RBFOX3: variants seen among roughly 807,000 people sequenced by gnomAD.
RBFOX3 encodes RNA binding protein fox-1 homolog 3.
RBFOX3 carries 17 observed loss-of-function variants against 48.7 expected under a neutral mutation model. The observed-to-expected ratio is 0.35, with a 90% confidence interval of 0.24 to 0.52. The LOEUF (loss-of-function observed/expected upper bound fraction) is 0.52, where lower values mean the gene tolerates loss of function less well. RBFOX3 is among the 20% of genes least tolerant of loss of function. RBFOX3 has a pLI of 0.94. For synonymous variants in RBFOX3, 212 were observed against 209.5 expected (o/e 1.01, Z -0.10); for missense variants, 382 against 497.5 (o/e 0.77, Z 2.21).
At chr17:79,341,227 CA>C (rs2082032601) in intron 2 of RBFOX3, among the ~76,000 whole-genome samples, 1 of 152,136 alleles carries the variant, frequency 6.6e-6, no homozygotes, top group Non-Finnish European at 1.5e-5. Flanking sequence ...GGAATGCAGG[CA>C]GGGGTACACA....
At chr17:79,373,727 C>T (rs575350275) in intron 2 of RBFOX3, among the ~76,000 whole-genome samples, 1 of 152,192 alleles carries the variant, frequency 6.6e-6, no homozygotes, top group East Asian at 1.9e-4. Flanking sequence ...GAGCAGGAGC[C>T]GGGCCTACCA....
chr17:79,331,012 C>T (rs1411632527), intron 2 of RBFOX3, among the ~76,000 whole-genome samples: 1 of 152,156 alleles, frequency 6.6e-6, no homozygotes, highest in African/African-American at 2.4e-5. Context: ...CGCTAACTGA[C>T]CGGTATGCTT....
At chr17:79,176,241 C>A (rs1454007745) in intron 4 of RBFOX3, among the ~76,000 whole-genome samples, 3 of 152,226 alleles carry the variant, frequency 2.0e-5, no homozygotes, top group Non-Finnish European at 2.9e-5. Flanking sequence ...AAAGACCCTG[C>A]CTGCCCCACA....
At chr17:79,605,972 T>G (rs2093820119) in intron 1 of RBFOX3, among the ~76,000 whole-genome samples, 1 of 152,100 alleles carries the variant, frequency 6.6e-6, no homozygotes, top group Non-Finnish European at 1.5e-5. Context: ...AGGGGAACAC[T>G]CCCCACAGAG....
chr17:79,664,675 T>A, the RBFOX3 span, among the ~76,000 whole-genome samples: 1 of 152,144 alleles, frequency 6.6e-6, no homozygotes, highest in Non-Finnish European at 1.5e-5. Flanking sequence ...AGTGCACGGT[T>A]CAGTGGCATT....
At chr17:79,272,798 C>T (rs2067976910) in intron 3 of RBFOX3, among the ~76,000 whole-genome samples, 1 of 152,114 alleles carries the variant, frequency 6.6e-6, no homozygotes, top group South Asian at 2.1e-4. Flanking sequence ...ATGCAGGAAG[C>T]TGGGGCTTGA....
intron 1 of RBFOX3, among the ~76,000 whole-genome samples, chr17:79,568,016 A>G (rs36169676): frequency 0.51 from 77,576 of 152,068 alleles, 21,651 homozygotes; most frequent in South Asian, 0.66. Context: ...CTCCCAGAAC[A>G]GCATGGGTGC....
the RBFOX3 span, among the ~76,000 whole-genome samples, chr17:79,624,876 C>A: frequency 4.1e-5 from 6 of 145,354 alleles, no homozygotes; most frequent in South Asian, 7.0e-4. Context: ...TGGGCACACT[C>A]ACTGCCAGCC....
intron 4 of RBFOX3, among the ~76,000 whole-genome samples, chr17:79,231,917 TAAA>T: frequency 6.6e-6 from 1 of 152,190 alleles, no homozygotes; most frequent in Non-Finnish European, 1.5e-5. Flanking sequence ...GAGTAATTTA[TAAA>T]GGAAAGAGGT....
At chr17:79,493,518 C>G (rs2081003894) in intron 1 of RBFOX3, among the ~76,000 whole-genome samples, 1 of 152,150 alleles carries the variant, frequency 6.6e-6, no homozygotes. Flanking sequence ...CATCACATCT[C>G]TCAGATCCCA....
At chr17:79,221,180 GC>G (rs1200271167) in intron 4 of RBFOX3, among the ~76,000 whole-genome samples, 2 of 152,236 alleles carry the variant, frequency 1.3e-5, no homozygotes, top group Non-Finnish European at 2.9e-5. Flanking sequence ...ATCATCTCTG[GC>G]CAGTGCCACC....
At chr17:79,652,974 A>T in the RBFOX3 span, among the ~76,000 whole-genome samples, 2 of 152,194 alleles carry the variant, frequency 1.3e-5, no homozygotes, top group African/African-American at 4.8e-5. Context: ...ATAGGATCAA[A>T]AGCTGAATGT....
chr17:79,470,106 T>C (rs1188228225), intron 2 of RBFOX3, among the ~76,000 whole-genome samples: 8 of 152,100 alleles, frequency 5.3e-5, no homozygotes, highest in African/African-American at 1.7e-4. Flanking sequence ...GTGTCATCCT[T>C]ACGTTCAGCT....
chr17:79,465,449 C>G (rs962619751), intron 2 of RBFOX3, among the ~76,000 whole-genome samples: 1 of 152,172 alleles, frequency 6.6e-6, no homozygotes, highest in Admixed American at 6.5e-5. Context: ...CCCTGCCCAG[C>G]GAACAGATGG....
At chr17:79,462,923 C>A (rs1251779816) in intron 2 of RBFOX3, among the ~76,000 whole-genome samples, 1 of 152,156 alleles carries the variant, frequency 6.6e-6, no homozygotes, top group Admixed American at 6.5e-5. Flanking sequence ...GGAGAGAAAG[C>A]AAGAGAAGCC....
chr17:79,502,437 A>T (rs1426988977), intron 1 of RBFOX3, among the ~76,000 whole-genome samples: 1 of 152,202 alleles, frequency 6.6e-6, no homozygotes, highest in South Asian at 2.1e-4. Flanking sequence ...GAAGGTGGTG[A>T]TGGCCACACC....
At chr17:79,309,097 ACT>A (rs1258258465) in intron 2 of RBFOX3, among the ~76,000 whole-genome samples, 2 of 103,630 alleles carry the variant, frequency 1.9e-5, no homozygotes, top group African/African-American at 3.1e-5. Context: ...ACAGAGCAAG[ACT>A]CTGTCTCAAA....
chr17:79,466,034 A>G (rs1279500795), intron 2 of RBFOX3, among the ~76,000 whole-genome samples: 1 of 152,182 alleles, frequency 6.6e-6, no homozygotes, highest in East Asian at 1.9e-4. Context: ...ATCCACATCC[A>G]AGGGCTGGCC....
At chr17:79,589,251 C>T (rs893228875) in intron 1 of RBFOX3, among the ~76,000 whole-genome samples, 22 of 152,200 alleles carry the variant, frequency 1.4e-4, no homozygotes, top group South Asian at 6.2e-4. Flanking sequence ...GTGTGGACTC[C>T]GCAGGTGGGC....
Sources: allele counts gnomAD v4.1 joint callset (sites outside exome capture counted in the v4.1 genomes callset), GRCh38; gene constraint gnomAD v4.1.1; transcripts MANE v1.5; gene names NCBI Gene and HGNC (gene_info 2026-07-23, HGNC 2026-07-21).